PIK3C2G: variants seen among roughly 807,000 people sequenced by gnomAD.
The protein encoded by PIK3C2G is phosphatidylinositol-4-phosphate 3-kinase catalytic subunit type 2 gamma.
PIK3C2G carries 168 observed loss-of-function variants against 181.1 expected under a neutral mutation model. That is an observed-to-expected ratio of 0.93 (90% confidence interval 0.82 to 1.05). The LOEUF (loss-of-function observed/expected upper bound fraction) is 1.05. PIK3C2G is among the 50% of genes least tolerant of loss of function. PIK3C2G has a pLI of 0.00. For synonymous variants in PIK3C2G, 573 were observed against 592.2 expected (o/e 0.97, Z 0.47); for missense variants, 1,869 against 1,732.8 (o/e 1.08, Z -1.40).
At chr12:18,421,120 T>C in intron 17 of PIK3C2G, 86 bp downstream of exon 17, 1 of 669,188 alleles carries the variant, frequency 1.5e-6, no homozygotes, top group Non-Finnish European at 2.6e-6. Context: ...ATAGTCTATC[T>C]AGAAGTGACA....
rs564329620 is a variant in PIK3C2G at position 18,387,525 on chromosome 12, C to T, written c.1996-3597C>T. Among the ~76,000 whole-genome samples, 4 of 152,204 alleles carry T rather than the reference C, an allele frequency of 2.6e-5. No homozygotes were observed. The East Asian group carries it at 5.8e-4, about 22-fold the overall frequency. The stretch of plus-strand genomic sequence containing the variant: ...CTGTTCCCTGTCTATAATGTGCCCT[C>T]GCCCCTTCACCCTCCACTGTCCACC... On this transcript the variant is annotated intron_variant, in intron 14 of 32. Coordinates refer to ENST00000538779, the MANE Select transcript of PIK3C2G (RefSeq NM_001288772.2).
At chr12:18,271,291 C>G (rs1429963396) in intron 1 of PIK3C2G, among the ~76,000 whole-genome samples, 1 of 152,126 alleles carries the variant, frequency 6.6e-6, no homozygotes, top group East Asian at 1.9e-4. Context: ...GCTAGTTACA[C>G]TTGGCTCAGC....
chr12:18,403,990 G>T (rs1944387965), intron 16 of PIK3C2G, among the ~76,000 whole-genome samples: 1 of 152,108 alleles, frequency 6.6e-6, no homozygotes, highest in South Asian at 2.1e-4. Flanking sequence ...GGCATCAGAG[G>T]ATTACATCAG....
intron 24 of PIK3C2G, among the ~76,000 whole-genome samples, chr12:18,525,146 T>G (rs962744349): frequency 1.3e-5 from 2 of 152,098 alleles, no homozygotes; most frequent in East Asian, 2.0e-4. Context: ...ATCCCAGCAC[T>G]TTGGGAGGCC....
At chr12:18,333,014 C>T (rs537183226) in intron 8 of PIK3C2G, among the ~76,000 whole-genome samples, 3 of 152,234 alleles carry the variant, frequency 2.0e-5, no homozygotes, top group South Asian at 2.1e-4. Flanking sequence ...CTAGCTCACA[C>T]CTGGCCTTTA....
the PIK3C2G span, among the ~76,000 whole-genome samples, chr12:18,715,281 G>A: frequency 6.7e-6 from 1 of 150,192 alleles, no homozygotes; most frequent in African/African-American, 2.4e-5. Flanking sequence ...TGATGAGGAA[G>A]TAAGGCTTTA....
intron 13 of PIK3C2G, 27 bp downstream of exon 13, chr12:18,371,338 G>A (rs903596655): frequency 6.4e-6 from 10 of 1,558,926 alleles, no homozygotes; most frequent in South Asian, 1.2e-5. Flanking sequence ...TGAGTAATAA[G>A]CCTATCATTT....
intron 15 of PIK3C2G, among the ~76,000 whole-genome samples, chr12:18,397,918 CA>C (rs1419412944): frequency 6.6e-6 from 1 of 151,870 alleles, no homozygotes; most frequent in Non-Finnish European, 1.5e-5. Context: ...CATAGTTATA[CA>C]AAGGAATAAT....
chr12:18,613,431 T>C (rs1025850055), intron 31 of PIK3C2G, among the ~76,000 whole-genome samples: 12 of 151,882 alleles, frequency 7.9e-5, no homozygotes, highest in East Asian at 1.9e-4. Flanking sequence ...AAAATTAACA[T>C]GAGAGAGAGA....
At chr12:18,446,769 T>C (rs1947052935) in intron 18 of PIK3C2G, among the ~76,000 whole-genome samples, 1 of 152,198 alleles carries the variant, frequency 6.6e-6, no homozygotes, top group South Asian at 2.1e-4. Context: ...TTCAAGAGAA[T>C]ATGTATGTCA....
chr12:18,265,243 G>C (rs1177231995), intron 1 of PIK3C2G, among the ~76,000 whole-genome samples: 1 of 152,112 alleles, frequency 6.6e-6, no homozygotes, highest in Non-Finnish European at 1.5e-5. Context: ...CTTGGTTTCT[G>C]ATGTGAGAAA....
At chr12:18,308,386 T>C (rs951882906) in intron 5 of PIK3C2G, among the ~76,000 whole-genome samples, 1 of 151,604 alleles carries the variant, frequency 6.6e-6, no homozygotes, top group Non-Finnish European at 1.5e-5. Flanking sequence ...TTTATGTCCA[T>C]AAATTATCTC....
At chr12:18,474,155 C>T (rs1938736461) in intron 18 of PIK3C2G, among the ~76,000 whole-genome samples, 1 of 152,088 alleles carries the variant, frequency 6.6e-6, no homozygotes, top group Non-Finnish European at 1.5e-5. Context: ...TAAATTATAT[C>T]ATTTAATTAT....
chr12:18,688,464 T>G, the PIK3C2G span, among the ~76,000 whole-genome samples: 3 of 152,018 alleles, frequency 2.0e-5, no homozygotes, highest in Admixed American at 2.0e-4. Flanking sequence ...TTTGATTTAT[T>G]AACATATTTT....
At position 18,313,998 on chromosome 12, in the gene PIK3C2G, AG is replaced by A; in HGVS notation, c.1072del (p.Asp358IlefsTer32). 6.3e-7 allele frequency: 1 copy of A among 1,592,392 alleles called. No individual in the cohort carries two copies. The highest frequency in any genetic ancestry group is 8.6e-7 in the Non-Finnish European group (1 of 1,168,318). On this transcript the variant is annotated frameshift_variant, in exon 6 of 33. Transcript: ENST00000538779. LOFTEE classifies it high-confidence loss of function. ...TGGGGAGCCACAAAATGTTTCAAAA[AG>A]ATAAATCTGTTATTCAGCTCCACCT... ...CLGSHKMFQKDKSVIQLHLQK... is the reference protein window; with the variant it reads ...CLGSHKMFQKXKSVIQLHLQK...
chr12:18,532,516 C>T (rs539031300), intron 24 of PIK3C2G, among the ~76,000 whole-genome samples: 61 of 152,084 alleles, frequency 4.0e-4, no homozygotes, highest in African/African-American at 7.7e-4. Flanking sequence ...AAGTTTGGGT[C>T]GTTTATATTT....
At chr12:18,316,984 G>A (rs935396527) in intron 6 of PIK3C2G, among the ~76,000 whole-genome samples, 7 of 149,324 alleles carry the variant, frequency 4.7e-5, no homozygotes, top group African/African-American at 7.4e-5. Flanking sequence ...AAGGCATTCC[G>A]TATCCCCATC....
chr12:18,378,810 T>C (rs1421049457), intron 13 of PIK3C2G, among the ~76,000 whole-genome samples: 1 of 152,028 alleles, frequency 6.6e-6, no homozygotes, highest in Non-Finnish European at 1.5e-5. Flanking sequence ...AAAACCACAA[T>C]GAGATACCAT....
intron 31 of PIK3C2G, among the ~76,000 whole-genome samples, chr12:18,615,375 G>GTGTA (rs1555150547): frequency 1.1e-5 from 1 of 89,580 alleles, no homozygotes; most frequent in Admixed American, 1.5e-4. Flanking sequence ...GTGTGTATGT[G>GTGTA]TATATATATA....
Sources: allele counts gnomAD v4.1 joint callset (sites outside exome capture counted in the v4.1 genomes callset), GRCh38; gene constraint gnomAD v4.1.1; transcripts MANE v1.5; gene names NCBI Gene and HGNC (gene_info 2026-07-23, HGNC 2026-07-21).